The following TBC1D8 variants were observed in gnomAD, a reference collection of about 807,000 sequenced individuals.
TBC1D8 encodes the protein TBC1 domain family member 8, also known as BUB2-like protein 1.
Under a neutral mutation model 118.8 loss-of-function variants are expected in TBC1D8, and 65 were observed. The ratio of observed to expected loss-of-function variants is 0.55; its 90% confidence interval spans 0.45 to 0.67. The LOEUF is 0.67. TBC1D8 is among the 30% of genes least tolerant of loss of function. TBC1D8 has a pLI of 0.00. For synonymous variants in TBC1D8, 566 were observed against 595.8 expected (o/e 0.95, Z 0.73); for missense variants, 1,376 against 1,471.2 (o/e 0.94, Z 1.06).
At chr2:101,046,642 C>T (rs1681722693) in intron 5 of TBC1D8, among the ~76,000 whole-genome samples, 1 of 151,864 alleles carries the variant, frequency 6.6e-6, no homozygotes, top group South Asian at 2.1e-4. Context: ...AAAAGCGGTC[C>T]TAGTGGGAGC....
In TBC1D8 at chr2:101,007,904, T is replaced by A; in HGVS notation, c.3385A>T (p.Asn1129Tyr). 6.2e-7 allele frequency: 1 copy of A among 1,614,060 alleles called. No individual in the cohort carries two copies. Among genetic ancestry groups the A allele is most frequent in the Non-Finnish European group, 8.5e-7 (1 of 1,179,896 alleles). ...AGATTGTACTGATTGATCTTGGCAT[T>A]TTCAAGTTTGGATTTCATGTCCAGT... ...KPLDMKSKLE[N>Y]AKINQYNLKT... is the part of the protein sequence containing the mutation. Residue 1129 changes from asparagine to tyrosine, a missense_variant, in exon 20 of 20, where the codon AAT becomes TAT. Coordinates refer to ENST00000409318, the MANE Select transcript of TBC1D8 (RefSeq NM_001330348.2).
chr2:101,069,786 AT>A (rs941453069), intron 2 of TBC1D8, among the ~76,000 whole-genome samples: 4 of 151,892 alleles, frequency 2.6e-5, no homozygotes, highest in Non-Finnish European at 4.4e-5. Flanking sequence ...ATTTTATGGG[AT>A]TTTTTTTCTC....
At chr2:101,038,710 A>G (rs1681193705) in intron 6 of TBC1D8, 55 bp from the exon 7 acceptor site, 2 of 1,583,610 alleles carry the variant, frequency 1.3e-6, no homozygotes. Context: ...TAGGCATGTT[A>G]TTACATATGC....
Position 101,024,895 on chromosome 2 carries a change from CAA to C in TBC1D8, c.2521-2376_2521-2375del, listed in dbSNP as rs1463893830. Among the ~76,000 whole-genome samples the C allele has an allele frequency of 3.3e-5, 5 of 152,058 alleles. No individual in the cohort carries two copies. In the East Asian group the frequency reaches 5.8e-4, roughly 18 times the overall value. ...GACCGGAAGCAACACAAATGTCACT[CAA>C]GAGATGAATAATTAAATATATCAGA... On this transcript the variant is annotated intron_variant, in intron 15 of 19. Transcript: ENST00000409318.
Position 101,017,817 on chromosome 2 carries a change from C to T in TBC1D8, c.2827+3864G>A, listed in dbSNP as rs1220277453. ...GGACTTTTTAATATTAGTTTTCATA[C>T]TAATACTAACAGTGAAGCAGCTACA... On this transcript the variant is annotated intron_variant, in intron 17 of 19. Transcript: ENST00000409318. The T allele has an allele frequency of 5.2e-6, 8 of 1,547,404 alleles. 1 individual carries two copies. The South Asian group carries it at 9.5e-5, about 18-fold the overall frequency.
chr2:101,046,675 G>A (rs998347934), intron 5 of TBC1D8, among the ~76,000 whole-genome samples: 1 of 152,100 alleles, frequency 6.6e-6, no homozygotes, highest in Non-Finnish European at 1.5e-5. Flanking sequence ...GCAGGAAAAG[G>A]GAGAGTGGGG....
At chr2:101,125,975 A>G (rs1490919112) in intron 1 of TBC1D8, among the ~76,000 whole-genome samples, 1 of 152,130 alleles carries the variant, frequency 6.6e-6, no homozygotes, top group Non-Finnish European at 1.5e-5. Context: ...GTCTTAGTCC[A>G]TTTGTGTTGC....
At chr2:101,135,542 G>A (rs1465515334) in intron 1 of TBC1D8, among the ~76,000 whole-genome samples, 3 of 152,246 alleles carry the variant, frequency 2.0e-5, no homozygotes, top group Non-Finnish European at 2.9e-5. Context: ...TCTACGTGGA[G>A]GCGCAGTTGG....
chr2:101,100,738 G>A (rs1036877667), intron 1 of TBC1D8, among the ~76,000 whole-genome samples: 34 of 151,916 alleles, frequency 2.2e-4, no homozygotes, highest in Non-Finnish European at 3.2e-4. Flanking sequence ...AACACCACAC[G>A]TCTACAACCA....
intron 1 of TBC1D8, among the ~76,000 whole-genome samples, chr2:101,108,800 C>G (rs1389006410): frequency 1.3e-5 from 2 of 148,980 alleles, no homozygotes; most frequent in Admixed American, 1.3e-4. Context: ...CATCTACTAC[C>G]TTAATGCTCC....
chr2:101,099,325 C>A (rs1165258132), intron 1 of TBC1D8, among the ~76,000 whole-genome samples: 1 of 152,176 alleles, frequency 6.6e-6, no homozygotes, highest in Non-Finnish European at 1.5e-5. Flanking sequence ...AGTCGAATCC[C>A]TGAATAGACC....
intron 1 of TBC1D8, among the ~76,000 whole-genome samples, chr2:101,111,818 G>T (rs989946973): frequency 6.6e-6 from 1 of 152,098 alleles, no homozygotes; most frequent in African/African-American, 2.4e-5. Context: ...ATGTCTGGTG[G>T]TGATGCTGGC....
chr2:101,088,974 G>A (rs1258560516), intron 2 of TBC1D8, among the ~76,000 whole-genome samples: 1 of 151,882 alleles, frequency 6.6e-6, no homozygotes, highest in Non-Finnish European at 1.5e-5. Flanking sequence ...AAAATGCCAA[G>A]ATGTTAACAG....
chr2:101,116,177 G>A (rs1202463977), intron 1 of TBC1D8, among the ~76,000 whole-genome samples: 1 of 152,160 alleles, frequency 6.6e-6, no homozygotes, highest in African/African-American at 2.4e-5. Context: ...AGGAGGCAGG[G>A]AAGTACTATC....
chr2:101,038,342 CCA>C, intron 7 of TBC1D8, 117 bp downstream of exon 7: 1 of 1,174,202 alleles, frequency 8.5e-7, no homozygotes. Flanking sequence ...TGACAGCAGA[CCA>C]CACACAGGCC....
rs998991205 is a variant in TBC1D8 at position 101,072,960 on chromosome 2, A to T, written c.284-13421T>A. On this transcript the variant is annotated intron_variant, in intron 2 of 19. Coordinates refer to ENST00000409318, the MANE Select transcript of TBC1D8 (RefSeq NM_001330348.2). ...AGATTCGAAGGGGACAAAACACCCA[A>T]ATCATATCAGTGGGCTTCAGATATT... Among the ~76,000 whole-genome samples, 3 of 152,340 alleles carry T rather than the reference A, an allele frequency of 2.0e-5. No individual in the cohort carries two copies. In the East Asian group the frequency reaches 5.8e-4, roughly 29 times the overall value.
chr2:101,082,522 C>T (rs1312578441), intron 2 of TBC1D8, among the ~76,000 whole-genome samples: 1 of 152,202 alleles, frequency 6.6e-6, no homozygotes, highest in Non-Finnish European at 1.5e-5. Flanking sequence ...CTTGTTTCGA[C>T]TTATGCCCAA....
intron 1 of TBC1D8, among the ~76,000 whole-genome samples, chr2:101,124,081 G>A (rs896494240): frequency 5.3e-5 from 8 of 152,148 alleles, no homozygotes; most frequent in African/African-American, 1.9e-4. Flanking sequence ...TCAGCAAGAG[G>A]CTCCTGGAGT....
intron 1 of TBC1D8, among the ~76,000 whole-genome samples, chr2:101,100,984 G>A (rs1676786678): frequency 1.3e-5 from 2 of 152,152 alleles, no homozygotes; most frequent in Non-Finnish European, 2.9e-5. Flanking sequence ...ACATAGACAT[G>A]AGCACAGACT....
Sources: gnomAD v4.1 joint callset for allele counts (sites outside exome capture counted in the v4.1 genomes callset) on GRCh38, gnomAD v4.1.1 for gene constraint, MANE v1.5 for transcripts, NCBI Gene and HGNC (gene_info 2026-07-23, HGNC 2026-07-21) for gene names.